Variants in TENM2 observed in about 807,000 individuals in gnomAD.
TENM2 encodes the protein teneurin transmembrane protein 2, also known as teneurin-2.
Under a neutral mutation model 245.2 loss-of-function variants are expected in TENM2, and 52 were observed. That is an observed-to-expected ratio of 0.21 (90% CI 0.17 to 0.27). The LOEUF is 0.27. Ranked by LOEUF, TENM2 falls within the 10% of genes least tolerant of loss-of-function variation. The probability of loss-of-function intolerance (pLI) is 1.00; values close to 1 mark genes in which losing one functional copy is unlikely to be tolerated. For synonymous variants in TENM2, 1,363 were observed against 1,438.9 expected (o/e 0.95, Z 1.19); for missense variants, 3,046 against 3,666.8 (o/e 0.83, Z 4.37).
intron 2 of TENM2, among the ~76,000 whole-genome samples, chr5:167,590,587 T>A (rs537322950): frequency 3.5e-4 from 53 of 152,212 alleles, no homozygotes; most frequent in African/African-American, 1.3e-3. Context: ...CTCCCAGGCA[T>A]GTCTTGCTTA....
At chr5:167,455,080 C>T (rs896312213) in intron 2 of TENM2, among the ~76,000 whole-genome samples, 3 of 152,174 alleles carry the variant, frequency 2.0e-5, no homozygotes, top group Admixed American at 1.3e-4. Context: ...CCATAGATTC[C>T]TTTCTGATCT....
At chr5:168,061,150 T>C (rs1378226972) in intron 6 of TENM2, among the ~76,000 whole-genome samples, 2 of 152,176 alleles carry the variant, frequency 1.3e-5, no homozygotes, top group African/African-American at 2.4e-5. Flanking sequence ...AAGAATAATA[T>C]TTTATATTTC....
intron 3 of TENM2, among the ~76,000 whole-genome samples, chr5:167,930,612 C>T (rs1364364536): frequency 2.0e-5 from 3 of 151,986 alleles, no homozygotes; most frequent in Non-Finnish European, 4.4e-5. Context: ...ATAGCTAGGA[C>T]TACAGGTGCA....
At chr5:167,406,520 C>T (rs955549178) in intron 2 of TENM2, among the ~76,000 whole-genome samples, 1 of 152,120 alleles carries the variant, frequency 6.6e-6, no homozygotes, top group Non-Finnish European at 1.5e-5. Context: ...TTTACTTTAT[C>T]AGTTGGATTG....
intron 4 of TENM2, among the ~76,000 whole-genome samples, chr5:167,955,727 C>A (rs1473628187): frequency 1.3e-5 from 2 of 152,178 alleles, no homozygotes; most frequent in Non-Finnish European, 2.9e-5. Flanking sequence ...AATAGGGAAT[C>A]CTTTCCCCAT....
intron 13 of TENM2, chr5:168,186,774 G>A (rs1760480018): frequency 6.6e-6 from 1 of 152,238 alleles, no homozygotes; most frequent in African/African-American, 2.4e-5. Context: ...CCACCTCTCA[G>A]GTCCTGAACT....
intron 13 of TENM2, among the ~76,000 whole-genome samples, chr5:168,174,821 A>G (rs932931901): frequency 2.0e-5 from 3 of 152,194 alleles, no homozygotes; most frequent in Admixed American, 2.0e-4. Context: ...GAAGCTTGTC[A>G]TCCGGAGAGG....
chr5:167,688,189 C>T (rs1757200335), intron 2 of TENM2, among the ~76,000 whole-genome samples: 1 of 152,140 alleles, frequency 6.6e-6, no homozygotes, highest in African/African-American at 2.4e-5. Context: ...TCAAGATTAC[C>T]TTCTCTTACC....
At chr5:167,170,797 C>A in the TENM2 span, among the ~76,000 whole-genome samples, 28 of 152,330 alleles carry the variant, frequency 1.8e-4, no homozygotes, top group Admixed American at 1.6e-3. Flanking sequence ...ATAGCTAAAT[C>A]CAGTGGCCTG....
chr5:167,102,265 TG>T, the TENM2 span, among the ~76,000 whole-genome samples: 1 of 152,032 alleles, frequency 6.6e-6, no homozygotes, highest in Non-Finnish European at 1.5e-5. Flanking sequence ...TATATTTCAA[TG>T]TTGCCACAGC....
chr5:167,651,170 T>C (rs768928962), intron 2 of TENM2, among the ~76,000 whole-genome samples: 1 of 151,956 alleles, frequency 6.6e-6, no homozygotes, highest in Non-Finnish European at 1.5e-5. Flanking sequence ...CTAATTTCCA[T>C]TGTGCATCAA....
At chr5:168,098,222 A>G (rs1307889983) in intron 9 of TENM2, 95 bp downstream of exon 11, 2 of 832,130 alleles carry the variant, frequency 2.4e-6, no homozygotes, top group African/African-American at 3.4e-5. Flanking sequence ...TAGCCTTCCC[A>G]TCAAATCCCC....
At chr5:166,987,072 C>G in the TENM2 span, among the ~76,000 whole-genome samples, 3 of 152,080 alleles carry the variant, frequency 2.0e-5, no homozygotes, top group Non-Finnish European at 4.4e-5. Context: ...GATTTTTCAC[C>G]CAGCTATTCC....
At chr5:167,477,040 G>A (rs760257953) in intron 2 of TENM2, among the ~76,000 whole-genome samples, 2 of 152,110 alleles carry the variant, frequency 1.3e-5, no homozygotes, top group Non-Finnish European at 2.9e-5. Flanking sequence ...TGATGGTTCA[G>A]CTCAGAACTA....
At chr5:168,024,324 C>T (rs560848426) in intron 5 of TENM2, among the ~76,000 whole-genome samples, 2 of 152,268 alleles carry the variant, frequency 1.3e-5, no homozygotes, top group Admixed American at 6.5e-5. Flanking sequence ...GTGAGCAGCC[C>T]ACTCCATTGG....
chr5:167,457,704 TACTTCTTGAAAGAAC>T lies in TENM2; in HGVS notation c.502+82232_502+82246del, dbSNP rs1766009799. ...CCCAAACCTATGCAAAATGACAAAG[TACTTCTTGAAAGAAC>T]CCACTCTCCAGCAACTTTGAAAACA... On this transcript the variant is annotated intron_variant, in intron 2 of 28. Coordinates refer to ENST00000518659, the Ensembl canonical transcript of TENM2. 2.6e-5 allele frequency among the ~76,000 whole-genome samples: 4 copies of T among 152,288 alleles called. No individual in the cohort carries two copies. The South Asian group carries it at 6.2e-4, about 24-fold the overall frequency.
chr5:168,060,814 T>C (rs949569947), intron 6 of TENM2, among the ~76,000 whole-genome samples: 3 of 152,178 alleles, frequency 2.0e-5, no homozygotes, highest in African/African-American at 7.2e-5. Context: ...ATTTTACACA[T>C]AGAGAAACTG....
intron 15 of TENM2, among the ~76,000 whole-genome samples, chr5:168,198,132 G>A (rs1193351729): frequency 6.6e-6 from 1 of 151,766 alleles, no homozygotes; most frequent in Admixed American, 6.6e-5. Flanking sequence ...CATTATAGCA[G>A]GGAAGCAGCC....
the TENM2 span, among the ~76,000 whole-genome samples, chr5:167,046,784 C>T: frequency 1.3e-5 from 2 of 152,088 alleles, no homozygotes; most frequent in African/African-American, 4.8e-5. Flanking sequence ...GTTTGCTGCA[C>T]CCATCAACCC....
Sources: allele counts gnomAD v4.1 joint callset (sites outside exome capture counted in the v4.1 genomes callset), GRCh38; gene constraint gnomAD v4.1.1; transcripts MANE v1.5; gene names NCBI Gene and HGNC (gene_info 2026-07-23, HGNC 2026-07-21).